KDM2B: variants seen among roughly 807,000 people sequenced by gnomAD.
KDM2B encodes lysine demethylase 2B.
Under a neutral mutation model 150.0 loss-of-function variants are expected in KDM2B, and 26 were observed. The observed-to-expected ratio is 0.17, with a 90% CI of 0.13 to 0.24. The LOEUF (loss-of-function observed/expected upper bound fraction) is 0.24, where lower values mean the gene tolerates loss of function less well. Ranked by LOEUF, KDM2B falls within the 10% of genes least tolerant of loss-of-function variation. The pLI is 1.00. For missense variants in KDM2B, 1,265 were observed against 1,816.9 expected, an observed-to-expected ratio of 0.70 and a Z score of 5.52; for synonymous variants, 734 against 729.5, an observed-to-expected ratio of 1.01 and a Z score of -0.10.
Position 121,442,932 on chromosome 12 carries a change from A to G in KDM2B, c.2604+60T>C. 6.3e-7 allele frequency: 1 copy of G among 1,599,904 alleles called. No homozygotes were observed. The highest frequency in any genetic ancestry group is 8.5e-7 in the Non-Finnish European group (1 of 1,173,084). On this transcript the variant is annotated intron_variant, in intron 18 of 22. Transcript: ENST00000377071. This position sits in a 1 kb window ranked among gnomAD's most constrained non-coding sequence, Gnocchi z 7.7. ...CCTGCCACGGGACTGTGGCCCAGGG[A>G]GCTGCGGTGCAGCTCTAACCGCTCA... is the stretch of plus-strand genomic sequence containing the variant.
At chr12:121,439,528 G>A (rs1372034718) in intron 22 of KDM2B, among the ~76,000 whole-genome samples, 6 of 151,686 alleles carry the variant, frequency 4.0e-5, no homozygotes, top group East Asian at 1.9e-4. Flanking sequence ...TACAGGCGCC[G>A]GCCACCAACC....
the KDM2B span, among the ~76,000 whole-genome samples, chr12:121,413,216 G>T: frequency 8.6e-5 from 13 of 151,506 alleles, no homozygotes; most frequent in Non-Finnish European, 1.9e-4. Flanking sequence ...TAGTAGAGAC[G>T]GCGTTTCGCC....
the KDM2B span, among the ~76,000 whole-genome samples, chr12:121,412,148 G>A: frequency 3.3e-5 from 5 of 151,106 alleles, no homozygotes; most frequent in South Asian, 2.1e-4. Context: ...TGCAAACTCC[G>A]CCTCCTGGGT....
intron 4 of KDM2B, among the ~76,000 whole-genome samples, chr12:121,571,978 A>G (rs1891132345): frequency 6.6e-6 from 1 of 152,132 alleles, no homozygotes; most frequent in Admixed American, 6.6e-5. Context: ...AAATGTGGCC[A>G]GGTGCATGGT....
chr12:121,565,025 G>C (rs1158459970), intron 4 of KDM2B, among the ~76,000 whole-genome samples: 1 of 151,886 alleles, frequency 6.6e-6, no homozygotes, highest in Non-Finnish European at 1.5e-5. Context: ...CTAAAGAGGG[G>C]TTTCATCATG....
intron 4 of KDM2B, among the ~76,000 whole-genome samples, chr12:121,555,321 T>C (rs958205491): frequency 1.1e-4 from 17 of 152,374 alleles, no homozygotes; most frequent in African/African-American, 2.9e-4. Context: ...AAATGTTATT[T>C]ATTTTGCAAG....
intron 12 of KDM2B, among the ~76,000 whole-genome samples, chr12:121,472,840 C>T (rs1202711008): frequency 1.3e-5 from 2 of 152,222 alleles, no homozygotes; most frequent in South Asian, 2.1e-4. Context: ...ACTTTATAAA[C>T]CACCCCCACA....
chr12:121,425,556 C>T (rs1872471673), downstream of KDM2B, among the ~76,000 whole-genome samples: 5 of 150,850 alleles, frequency 3.3e-5, no homozygotes, highest in South Asian at 1.0e-3. Context: ...CACCAGGAGG[C>T]AGATGCCCCT....
intron 8 of KDM2B, among the ~76,000 whole-genome samples, chr12:121,527,424 G>T (rs1389049360): frequency 7.0e-6 from 1 of 143,692 alleles, no homozygotes; most frequent in South Asian, 2.3e-4. Flanking sequence ...ACTTTGGGAG[G>T]CCAAGGCGGG....
At chr12:121,440,290 C>G (rs1159108658) in intron 21 of KDM2B, 1 of 580,734 alleles carries the variant, frequency 1.7e-6, no homozygotes, top group Admixed American at 3.0e-5. Context: ...ACTAAAAGAC[C>G]TAGAAACACT....
rs528969924 is a variant in KDM2B at position 121,442,921 on chromosome 12, G to A, written c.2604+71C>T. 1.3e-6 allele frequency: 2 copies of A among 1,587,660 alleles called. No individual in the cohort carries two copies. The highest frequency in any genetic ancestry group is 2.7e-5 in the African/African-American group (2 of 74,062). On this transcript the variant is annotated intron_variant, in intron 18 of 22. Coordinates refer to ENST00000377071, the MANE Select transcript of KDM2B (RefSeq NM_032590.5). The surrounding 1 kb of genome is among the most constrained non-coding windows in gnomAD (Gnocchi z 7.7). ...CCTCCCGCCCCCCTGCCACGGGACT[G>A]TGGCCCAGGGAGCTGCGGTGCAGCT... is the stretch of plus-strand genomic sequence containing the variant.
rs62698361 is a variant in KDM2B at position 121,558,455 on chromosome 12, C to CTT, written c.398-8819_398-8818dup. ...AAGGCCTGTGTTTCCTTTTCTTTTT[C>CTT]TTTTTTTTTTTTTTTTGAGACGGAG... On this transcript the variant is annotated intron_variant, in intron 4 of 22. Coordinates refer to ENST00000377071, the MANE Select transcript of KDM2B (RefSeq NM_032590.5). Among the ~76,000 whole-genome samples the CTT allele has an allele frequency of 3.6e-3, 494 of 135,486 alleles. 4 individuals are homozygous for CTT. Among genetic ancestry groups the CTT allele is most frequent in the South Asian group, 0.015 (66 of 4,294 alleles). 88.9% of individuals were successfully genotyped at this position (135,486 alleles called of 152,430 possible).
At chr12:121,559,997 T>C (rs1890223198) in intron 4 of KDM2B, among the ~76,000 whole-genome samples, 1 of 147,804 alleles carries the variant, frequency 6.8e-6, no homozygotes, top group African/African-American at 2.5e-5. Flanking sequence ...TTTTAAGGAG[T>C]CACTGTGTTT....
rs1555317360 is a variant in KDM2B, at chr12:121,578,889, T to A, written c.184A>T (p.Ile62Phe). The A allele has an allele frequency of 9.3e-6, 15 of 1,612,884 alleles. No homozygotes were observed. Among genetic ancestry groups the A allele is most frequent in the Non-Finnish European group, 1.3e-5 (15 of 1,179,630 alleles). Residue 62 changes from isoleucine (I) to phenylalanine (F), a missense_variant, in exon 2 of 23, where the codon ATC becomes TTC. Ile to Phe is a conservative substitution (Grantham distance 21, BLOSUM62 0). Transcript: ENST00000377071. ...AGGCTGAAGCCGCGGACGCTGACGA[T>A]CTCCTCCACGTCCGACAAGTCCTCG... ...ENEDLSDVEE[I>F]VSVRGFSLEE...
rs558716949 is a variant in KDM2B at position 121,515,711 on chromosome 12, T to C, written c.1048-2309A>G. The stretch of plus-strand genomic sequence containing the variant: ...CCAAACCCAGCGTCTCTGAGAGTCC[T>C]GGCTCTCACTCAGCTCCTGGCCTCA... On this transcript the variant is annotated intron_variant, in intron 9 of 22. Coordinates refer to ENST00000377071, the MANE Select transcript of KDM2B (RefSeq NM_032590.5). Among the ~76,000 whole-genome samples the C allele has an allele frequency of 2.0e-5, 3 of 152,120 alleles. No homozygotes were observed. The South Asian group carries it at 6.2e-4, about 31-fold the overall frequency.
chr12:121,528,666 G>A (rs1421313902), intron 8 of KDM2B, among the ~76,000 whole-genome samples: 1 of 152,172 alleles, frequency 6.6e-6, no homozygotes, highest in African/African-American at 2.4e-5. Context: ...GGCAAGCCAA[G>A]CAGATCACCT....
chr12:121,483,282 A>T (rs1204013378), intron 12 of KDM2B, among the ~76,000 whole-genome samples: 1 of 150,900 alleles, frequency 6.6e-6, no homozygotes, highest in African/African-American at 2.4e-5. Flanking sequence ...TTAAAAATAT[A>T]AAAAAAACAC....
downstream of KDM2B, among the ~76,000 whole-genome samples, chr12:121,428,217 A>G (rs1872607987): frequency 6.6e-6 from 1 of 151,802 alleles, no homozygotes. Context: ...TTTTTTTGAA[A>G]TGCGGTCTCG....
At chr12:121,481,727 T>A (rs370617918) in intron 12 of KDM2B, among the ~76,000 whole-genome samples, 21 of 152,128 alleles carry the variant, frequency 1.4e-4, no homozygotes, top group African/African-American at 4.3e-4. Context: ...GCCCTCAAGA[T>A]CTCAATTGCT....
Sources: gnomAD v4.1 joint callset for allele counts (sites outside exome capture counted in the v4.1 genomes callset) on GRCh38, gnomAD v4.1.1 for gene constraint, Gnocchi (gnomAD v3.1) non-coding constraint, MANE v1.5 for transcripts, NCBI Gene and HGNC (gene_info 2026-07-23, HGNC 2026-07-21) for gene names.